Variants in JAK1 observed in about 807,000 individuals in gnomAD.
The protein encoded by JAK1 is tyrosine-protein kinase JAK1.
In JAK1, 16 loss-of-function variants were observed where a neutral mutation model predicts 136.6. That is an observed-to-expected ratio of 0.12 (90% confidence interval 0.08 to 0.18). The LOEUF is 0.18. Ranked by LOEUF, JAK1 falls within the 10% of genes least tolerant of loss-of-function variation. JAK1 has a pLI of 1.00. For synonymous variants in JAK1, 492 were observed against 519.5 expected (o/e 0.95, Z 0.72); for missense variants, 859 against 1,450.1 (o/e 0.59, Z 6.62).
chr1:64,933,767 A>C (rs1273543209), intron 1 of JAK1, among the ~76,000 whole-genome samples: 1 of 152,206 alleles, frequency 6.6e-6, no homozygotes, highest in East Asian at 1.9e-4. Context: ...GGCACCACAA[A>C]ATGCAATCTA....
chr1:64,998,502 C>T (rs1191615256), intron 2 of JAK1, among the ~76,000 whole-genome samples: 2 of 152,154 alleles, frequency 1.3e-5, no homozygotes, highest in Non-Finnish European at 2.9e-5. Flanking sequence ...CCTATTACAA[C>T]AGGAAACTGA....
chr1:64,846,294 C>A (rs1182579518), intron 14 of JAK1, among the ~76,000 whole-genome samples: 3 of 152,074 alleles, frequency 2.0e-5, no homozygotes, highest in Non-Finnish European at 2.9e-5. Context: ...GAGCCAGCGT[C>A]TTGCTGCTTG....
chr1:65,048,005 C>G (rs577010793), intron 1 of JAK1, among the ~76,000 whole-genome samples: 1 of 152,190 alleles, frequency 6.6e-6, no homozygotes, highest in Non-Finnish European at 1.5e-5. Flanking sequence ...GCCCACGGAC[C>G]TACAGTTAAG....
intron 1 of JAK1, among the ~76,000 whole-genome samples, chr1:65,053,807 A>G (rs558871576): frequency 6.6e-6 from 1 of 152,276 alleles, no homozygotes; most frequent in South Asian, 2.1e-4. Context: ...GAGCTATGGA[A>G]GACCCTGTCT....
At chr1:64,861,348 A>C (rs1422547768) in intron 8 of JAK1, among the ~76,000 whole-genome samples, 2 of 152,168 alleles carry the variant, frequency 1.3e-5, no homozygotes, top group East Asian at 3.9e-4. Flanking sequence ...CAGAGTGGGA[A>C]GAGGCAAAGG....
At chr1:64,947,610 G>T (rs1380888059) in intron 1 of JAK1, among the ~76,000 whole-genome samples, 1 of 134,552 alleles carries the variant, frequency 7.4e-6, no homozygotes, top group Non-Finnish European at 1.6e-5. Flanking sequence ...TTAAGACATA[G>T]GCCAATAAAT....
chr1:65,001,212 G>T (rs1000840645), intron 2 of JAK1, among the ~76,000 whole-genome samples: 1 of 152,194 alleles, frequency 6.6e-6, no homozygotes, highest in African/African-American at 2.4e-5. Context: ...CTTTTCAAGT[G>T]AATCCTAAAG....
intron 1 of JAK1, among the ~76,000 whole-genome samples, chr1:64,898,063 C>T (rs1241844609): frequency 1.3e-5 from 2 of 152,178 alleles, no homozygotes; most frequent in African/African-American, 4.8e-5. Context: ...CCTCGCTATA[C>T]ACACATACAA....
At chr1:65,011,104 G>A (rs139739496) in intron 2 of JAK1, among the ~76,000 whole-genome samples, 462 of 152,188 alleles carry the variant, frequency 3.0e-3, no homozygotes, top group South Asian at 5.6e-3. Context: ...TAGACCAAAA[G>A]CATTCATTTG....
rs1188491401 is a variant in JAK1 at position 64,879,096 on chromosome 1, C to T, written c.258G>A (p.Lys86=). 1 of 1,613,876 alleles carries T rather than the reference C, an allele frequency of 6.2e-7. No homozygotes were observed. Among genetic ancestry groups the T allele is most frequent in the South Asian group, 1.1e-5 (1 of 91,070 alleles). The change falls in exon 4 of 25, where the codon AAG becomes AAA. Residue 86 remains lysine, a synonymous_variant. Coordinates refer to ENST00000342505, the MANE Select transcript of JAK1 (RefSeq NM_002227.4). The stretch of plus-strand genomic sequence containing the variant: ...TGGTGCGATTTGGAGCATACCAGAG[C>T]TTGGTGTTCTCGTCATACAGGGCAA... ...NLFALYDENT[K]LWYAPNRTIT...
rs2100995413 is a variant in JAK1 at position 64,844,830 on chromosome 1, C to G, written c.2175G>C (p.Glu725Asp). 1 of 1,614,218 alleles carries G rather than the reference C, an allele frequency of 6.2e-7. No individual in the cohort carries two copies. The highest frequency in any genetic ancestry group is 8.5e-7 in the Non-Finnish European group (1 of 1,180,044). The change falls in exon 16 of 25, where the codon GAG becomes GAC. Residue 725 changes from glutamate (E) to aspartate (D), a missense_variant. Physicochemically the swap from Glu to Asp is conservative, Grantham distance 45 (BLOSUM62 2). This residue lies in a region of JAK1 where 409 missense variants were observed against 753.8 expected (regional missense o/e 0.54). Coordinates refer to ENST00000342505, the MANE Select transcript of JAK1 (RefSeq NM_002227.4). This position sits in a 1 kb window ranked among gnomAD's most constrained non-coding sequence, Gnocchi z 5.7. The part of the protein sequence containing the change: ...VCTKNLLLAR[E>D]GIDSECGPFI... ...ATGGGCCACACTCACTGTCGATGCC[C>G]TCACGGGCCAGGAGGAGGTTTTTAG...
At chr1:64,896,508 G>T (rs1380156534) in intron 1 of JAK1, among the ~76,000 whole-genome samples, 1 of 152,186 alleles carries the variant, frequency 6.6e-6, no homozygotes, top group Non-Finnish European at 1.5e-5. Context: ...TATTATGGTA[G>T]GATGTAAATA....
chr1:64,865,044 C>T, intron 7 of JAK1, 72 bp from the exon 8 acceptor site: 1 of 1,253,150 alleles, frequency 8.0e-7, no homozygotes, highest in Non-Finnish European at 1.1e-6. Flanking sequence ...GTCAGTGCTG[C>T]TGGGAAACCT....
chr1:64,993,267 G>A (rs1646674589), intron 2 of JAK1: 1 of 152,110 alleles, frequency 6.6e-6, no homozygotes, highest in African/African-American at 2.4e-5. Context: ...TAAGAGTTGG[G>A]GCACTGGTGT....
chr1:65,003,974 C>T (rs1054938467), intron 2 of JAK1: 6 of 152,212 alleles, frequency 3.9e-5, no homozygotes, highest in African/African-American at 1.4e-4. Flanking sequence ...CGTATTCTCG[C>T]TCTGTCGCCC....
upstream of JAK1, among the ~76,000 whole-genome samples, chr1:64,968,971 A>C (rs1041699778): frequency 2.7e-5 from 4 of 147,864 alleles, no homozygotes; most frequent in African/African-American, 1.0e-4. Context: ...CTAGCTGGGC[A>C]TGGTGGCACA....
rs919183762 is a variant in JAK1, at chr1:64,999,948, T to C, written c.-78+44532A>G. Among the ~76,000 whole-genome samples, 32 of 151,708 alleles carry C rather than the reference T, an allele frequency of 2.1e-4. 1 individual carries two copies. Among genetic ancestry groups the C allele is most frequent in the African/African-American group, 7.0e-4 (29 of 41,264 alleles). ...AGCAATTTTTGGTAAATAAACATTA[T>C]AGAAAGTCTGGGAAAATACTGGGGG... is the stretch of plus-strand genomic sequence containing the variant. On this transcript the variant is annotated intron_variant, in intron 2 of 25. Transcript: ENST00000671954.
intron 2 of JAK1, among the ~76,000 whole-genome samples, chr1:65,007,317 T>C (rs1646811445): frequency 6.6e-6 from 1 of 152,178 alleles, no homozygotes; most frequent in South Asian, 2.1e-4. Flanking sequence ...CTTATTCTTG[T>C]TCTTTGTCAG....
chr1:64,887,176 A>G (rs992358741), intron 1 of JAK1, among the ~76,000 whole-genome samples: 2 of 152,198 alleles, frequency 1.3e-5, no homozygotes, highest in Non-Finnish European at 2.9e-5. Flanking sequence ...GGTGACTGAC[A>G]CTGGCAAGGG....
Sources: allele counts gnomAD v4.1 joint callset (sites outside exome capture counted in the v4.1 genomes callset), GRCh38; gene constraint gnomAD v4.1.1; regional missense constraint gnomAD v4.1.1; non-coding constraint Gnocchi (gnomAD v3.1); transcripts MANE v1.5; gene names NCBI Gene and HGNC (gene_info 2026-07-23, HGNC 2026-07-21).